The following CSF1R variants were observed in gnomAD, a reference collection of about 807,000 sequenced individuals.
CSF1R encodes colony stimulating factor 1 receptor.
A neutral mutation model predicts 110.0 loss-of-function variants in CSF1R; 40 were observed. The observed-to-expected ratio is 0.36, with a 90% CI of 0.28 to 0.47. CSF1R has a LOEUF of 0.47. Ranked by LOEUF, CSF1R falls within the 20% of genes least tolerant of loss-of-function variation. The probability of loss-of-function intolerance (pLI) is 0.99; values close to 1 mark genes in which losing one functional copy is unlikely to be tolerated. For missense variants in CSF1R, 1,052 were observed against 1,253.0 expected (o/e 0.84, Z 2.42); for synonymous variants, 523 against 503.4 (o/e 1.04, Z -0.52).
intron 1 of CSF1R, among the ~76,000 whole-genome samples, chr5:150,104,472 C>T (rs533646758): frequency 2.0e-5 from 3 of 152,252 alleles, no homozygotes; most frequent in Non-Finnish European, 4.4e-5. Context: ...TTATGCATCC[C>T]AGGCCTTTTG....
At chr5:150,111,722 T>C (rs1240393520) in intron 1 of CSF1R, among the ~76,000 whole-genome samples, 1 of 152,244 alleles carries the variant, frequency 6.6e-6, no homozygotes, top group Non-Finnish European at 1.5e-5. Flanking sequence ...ACTGACCAGA[T>C]GATCTTGGGC....
At chr5:150,088,056 G>GA (rs1424734509), upstream of CSF1R, among the ~76,000 whole-genome samples, 7 of 152,076 alleles carry the variant, frequency 4.6e-5, no homozygotes, top group Non-Finnish European at 7.4e-5. Flanking sequence ...TCTTGAAATT[G>GA]AAAAATCCTG....
intron 10 of CSF1R, chr5:150,067,303 C>T (rs1757817983): frequency 6.6e-6 from 1 of 152,120 alleles, no homozygotes; most frequent in South Asian, 2.1e-4. Context: ...TAAGATGAGT[C>T]AATGTTTCAC....
intron 1 of CSF1R, chr5:150,094,331 G>T (rs1349692090): frequency 2.5e-6 from 4 of 1,598,816 alleles, no homozygotes; most frequent in Non-Finnish European, 3.4e-6. Context: ...AGAAGAAGGA[G>T]GTTCCTGCTG....
intron 14 of CSF1R, among the ~76,000 whole-genome samples, chr5:150,059,050 CTCTTT>C (rs1464335896): frequency 4.6e-5 from 7 of 152,056 alleles, no homozygotes; most frequent in African/African-American, 1.7e-4. Context: ...AGAGCCATCT[CTCTTT>C]TTTTTTGAGA....
chr5:150,094,270 C>T (rs529892000), intron 1 of CSF1R: 6 of 1,443,626 alleles, frequency 4.2e-6, no homozygotes, highest in East Asian at 2.3e-5. Flanking sequence ...CACTTTAGAA[C>T]AGAGCTTCAG....
intron 5 of CSF1R, among the ~76,000 whole-genome samples, chr5:150,075,464 C>T (rs1758221983): frequency 6.6e-6 from 1 of 152,214 alleles, no homozygotes; most frequent in Non-Finnish European, 1.5e-5. Flanking sequence ...AAGCACAGTC[C>T]CGCTGCAGGA....
In CSF1R at chr5:150,061,406, G is replaced by A. The variant is rs868557102; in HGVS notation, c.1858+85C>T. On this transcript the variant is annotated intron_variant, in intron 12 of 20. Coordinates refer to ENST00000675795, the MANE Select transcript of CSF1R (RefSeq NM_001288705.3). ...CAGGCTTCAACAGGTTGAAATGTGT[G>A]TGATGCCTCTTGTGACACCAGGGCC... 63 of 1,188,172 alleles carry A rather than the reference G, an allele frequency of 5.3e-5. 1 individual carries two copies. The South Asian group carries it at 8.9e-4, about 17-fold the overall frequency. 73.6% of individuals were successfully genotyped at this position (1,188,172 alleles called of 1,614,324 possible).
At chr5:150,085,351 A>G (rs183026036) in intron 1 of CSF1R, among the ~76,000 whole-genome samples, 2 of 150,468 alleles carry the variant, frequency 1.3e-5, no homozygotes, top group African/African-American at 4.9e-5. Context: ...TCAGTGGGCC[A>G]TCTCCTCCTC....
At chr5:150,095,324 T>A (rs1561958344) in intron 1 of CSF1R, among the ~76,000 whole-genome samples, 2 of 152,150 alleles carry the variant, frequency 1.3e-5, no homozygotes, top group Non-Finnish European at 2.9e-5. Context: ...AATTGCAGAA[T>A]ACACATTCAT....
chr5:150,069,707 G>A (rs928320770), intron 9 of CSF1R, among the ~76,000 whole-genome samples, 166 bp downstream of exon 9: 1 of 152,042 alleles, frequency 6.6e-6, no homozygotes, highest in Admixed American at 6.5e-5. Context: ...CCAGGCAGGA[G>A]GGGCTTGGAC....
At chr5:150,069,001 G>A (rs1459992662) in intron 9 of CSF1R, among the ~76,000 whole-genome samples, 2 of 152,224 alleles carry the variant, frequency 1.3e-5, no homozygotes, top group Non-Finnish European at 2.9e-5. Context: ...TAGGTTTGTA[G>A]GAGTTAATCG....
intron 1 of CSF1R, among the ~76,000 whole-genome samples, chr5:150,105,632 C>T (rs1759533904): frequency 6.6e-6 from 1 of 152,060 alleles, no homozygotes; most frequent in Non-Finnish European, 1.5e-5. Flanking sequence ...AAGCAATCCT[C>T]CTGCCTCAGC....
At position 150,080,963 on chromosome 5, in the gene CSF1R, C is replaced by T. The variant is rs762392545; in HGVS notation, c.111G>A (p.Thr37=). The T allele has an allele frequency of 3.3e-5, 53 of 1,613,978 alleles. No individual in the cohort carries two copies. The highest frequency in any genetic ancestry group is 1.6e-4 in the Middle Eastern group (1 of 6,082). The part of the protein sequence containing the change: ...VPELVVKPGA[T]VTLRCVGNGS... ...CATTGCCCACACATCGCAAGGTCAC[C>T]GTTGCTCCTGGCTTCACGACCAGCT... The change falls in exon 2 of 21, where the codon ACG becomes ACA. Residue 37 remains threonine (T), a synonymous_variant. Coordinates refer to ENST00000675795, the MANE Select transcript of CSF1R (RefSeq NM_001288705.3).
rs1758227241 is a variant in CSF1R, at chr5:150,075,592, A to T, written c.889+1684T>A. ...GGTGAACACCCTATCTGAAGCTGCA[A>T]ATGCTATATAATTTGTTTTTTTAAT... is the stretch of plus-strand genomic sequence containing the variant. On this transcript the variant is annotated intron_variant, in intron 5 of 20. Transcript: ENST00000675795. Among the ~76,000 whole-genome samples, 3 of 152,170 alleles carry T rather than the reference A, an allele frequency of 2.0e-5. No individual in the cohort carries two copies. In the South Asian group the frequency reaches 6.2e-4, roughly 32 times the overall value.
At chr5:150,070,945 G>A (rs534090300) in intron 6 of CSF1R, among the ~76,000 whole-genome samples, 40 of 152,218 alleles carry the variant, frequency 2.6e-4, no homozygotes, top group Non-Finnish European at 5.1e-4. Flanking sequence ...AAGAGGGACT[G>A]AGAAAGAGAC....
chr5:150,080,684 A>G, intron 2 of CSF1R, 83 bp downstream of exon 2: 2 of 1,540,208 alleles, frequency 1.3e-6, no homozygotes, highest in Non-Finnish European at 1.8e-6. Context: ...GCAGAGCTGA[A>G]TTGTTACGAT....
chr5:150,059,575 A>T lies in CSF1R; in HGVS notation c.2132+125T>A, dbSNP rs569861108. ...CTGTGGTGGCTACTTCCCATGACAC[A>T]GGTGGCAGGTGAGGGCTGCATAGCC... On this transcript the variant is annotated intron_variant, in intron 14 of 20. Transcript: ENST00000675795. 975 of 1,091,704 alleles carry T rather than the reference A, an allele frequency of 8.9e-4. 10 individuals are homozygous for T. Among genetic ancestry groups the T allele is most frequent in the Non-Finnish European group, 2.8e-4 (207 of 750,476 alleles). 67.6% of individuals were successfully genotyped at this position (1,091,704 alleles called of 1,614,324 possible). A position where few individuals can be genotyped will look rare whatever the true frequency, so the allele number is the denominator to read the frequency against.
rs192972761 is a variant in CSF1R, at chr5:150,060,784, C to T, written c.1969+78G>A. On this transcript the variant is annotated intron_variant, in intron 13 of 20. Transcript: ENST00000675795. ...CAGTAGGATCCTGAGAAGGAGAAGA[C>T]GGAACAAGGTAGCCCTGGGGCCCTG... The T allele has an allele frequency of 1.5e-4, 134 of 880,746 alleles. 1 individual carries two copies. Among genetic ancestry groups the T allele is most frequent in the South Asian group, 9.6e-4 (60 of 62,410 alleles). The allele number at this position is 880,746 out of a possible 1,614,324, so 54.6% of individuals were successfully genotyped here. A position where few individuals can be genotyped will look rare whatever the true frequency, so the allele number is the denominator to read the frequency against.
Sources: allele counts gnomAD v4.1 joint callset (sites outside exome capture counted in the v4.1 genomes callset), GRCh38; gene constraint gnomAD v4.1.1; transcripts MANE v1.5; gene names NCBI Gene and HGNC (gene_info 2026-07-23, HGNC 2026-07-21).